NSUN6: variants seen among roughly 807,000 people sequenced by gnomAD.
NSUN6 encodes tRNA (cytosine(72)-C(5))-methyltransferase NSUN6.
Under a neutral mutation model 58.0 loss-of-function variants are expected in NSUN6, and 64 were observed. That is an observed-to-expected ratio of 1.10 (90% CI 0.90 to 1.36). The LOEUF (loss-of-function observed/expected upper bound fraction) is 1.36, where lower values mean the gene tolerates loss of function less well. Ranked by LOEUF, NSUN6 falls within the 40% of genes most tolerant of loss-of-function variation. NSUN6 has a pLI of 0.00. For synonymous variants in NSUN6, 231 were observed against 193.9 expected (o/e 1.19, Z -1.59); for missense variants, 701 against 550.1 (o/e 1.27, Z -2.74).
intron 6 of NSUN6, among the ~76,000 whole-genome samples, chr10:18,600,981 T>TACAC (rs2057814543): frequency 8.0e-6 from 1 of 125,506 alleles, no homozygotes; most frequent in Non-Finnish European, 1.7e-5. Context: ...TATATATGTA[T>TACAC]ATATATATAT....
At chr10:18,626,083 G>A (rs1358355627) in intron 3 of NSUN6, among the ~76,000 whole-genome samples, 1 of 152,034 alleles carries the variant, frequency 6.6e-6, no homozygotes, top group Non-Finnish European at 1.5e-5. Flanking sequence ...CAGGGGGTGC[G>A]GGAGATCTGC....
In NSUN6 at chr10:18,647,739, T is replaced by G. The variant is rs566091613; in HGVS notation, c.231+751A>C. On this transcript the variant is annotated intron_variant, in intron 2 of 10. Coordinates refer to ENST00000377304, the MANE Select transcript of NSUN6 (RefSeq NM_182543.5). ...CTCAACACCTTGTTTTTTTTTTTTT[T>G]TTTTTTTTTTTTTGAGACAGAGTCT... Among the ~76,000 whole-genome samples the G allele has an allele frequency of 6.2e-3, 891 of 142,704 alleles. 10 individuals carry two copies. The highest frequency in any genetic ancestry group is 0.022 in the African/African-American group (845 of 37,830). 93.6% of individuals were successfully genotyped at this position (142,704 alleles called of 152,430 possible).
chr10:18,568,621 T>A (rs1033340757), intron 8 of NSUN6, among the ~76,000 whole-genome samples: 1 of 150,990 alleles, frequency 6.6e-6, no homozygotes, highest in Non-Finnish European at 1.5e-5. Flanking sequence ...TTGCATTCCA[T>A]TCTCCATTCC....
At chr10:18,587,197 A>G (rs540734547) in intron 7 of NSUN6, among the ~76,000 whole-genome samples, 7 of 152,324 alleles carry the variant, frequency 4.6e-5, no homozygotes, top group African/African-American at 1.7e-4. Flanking sequence ...AAAATCACCA[A>G]TTTGATGTGC....
chr10:18,589,713 G>A (rs1490394317), intron 7 of NSUN6, among the ~76,000 whole-genome samples: 1 of 151,902 alleles, frequency 6.6e-6, no homozygotes, highest in Non-Finnish European at 1.5e-5. Context: ...AATGCTGAGG[G>A]ATTTTGTCAC....
chr10:18,588,874 G>A (rs777990574), intron 7 of NSUN6, among the ~76,000 whole-genome samples: 5 of 152,054 alleles, frequency 3.3e-5, no homozygotes, highest in African/African-American at 4.8e-5. Flanking sequence ...CTAAATAATC[G>A]CAACTCCTCT....
At chr10:18,654,044 T>C (rs1040790580), upstream of NSUN6, among the ~76,000 whole-genome samples, 14 of 152,108 alleles carry the variant, frequency 9.2e-5, no homozygotes, top group African/African-American at 2.9e-4. Context: ...CAGGAAAAAA[T>C]GTCTAGAAAG....
At chr10:18,599,352 A>G (rs1590014211) in intron 6 of NSUN6, among the ~76,000 whole-genome samples, 1 of 152,322 alleles carries the variant, frequency 6.6e-6, no homozygotes, top group South Asian at 2.1e-4. Context: ...TTGGCCTCCC[A>G]AAGTGCTGGG....
chr10:18,562,902 G>T (rs546992169), intron 8 of NSUN6, among the ~76,000 whole-genome samples: 2 of 143,442 alleles, frequency 1.4e-5, no homozygotes, highest in Admixed American at 1.4e-4. Context: ...GGAATGGAAT[G>T]GAAGGAAGAA....
At chr10:18,634,058 T>C (rs1388456861) in intron 3 of NSUN6, among the ~76,000 whole-genome samples, 1 of 152,230 alleles carries the variant, frequency 6.6e-6, no homozygotes, top group African/African-American at 2.4e-5. Context: ...AATGAGGATG[T>C]AACTGTTTCC....
intron 10 of NSUN6, among the ~76,000 whole-genome samples, chr10:18,546,457 T>C (rs1358953588): frequency 6.6e-6 from 1 of 152,218 alleles, no homozygotes; most frequent in Admixed American, 6.5e-5. Context: ...TACCACATTT[T>C]AGCTGTGTGA....
At chr10:18,553,124 C>CTCCAT (rs1348495983) in intron 8 of NSUN6, among the ~76,000 whole-genome samples, 2 of 151,482 alleles carry the variant, frequency 1.3e-5, no homozygotes, top group Non-Finnish European at 3.0e-5. Flanking sequence ...CCGTTCGATT[C>CTCCAT]TCCATTCCAT....
At chr10:18,651,948 T>C (rs2059717916), upstream of NSUN6, 5 of 985,436 alleles carry the variant, frequency 5.1e-6, no homozygotes, top group South Asian at 4.7e-5. Context: ...CCAGATGTCC[T>C]CCAGTTAGAG....
intron 4 of NSUN6, among the ~76,000 whole-genome samples, chr10:18,615,541 A>T (rs1445675324): frequency 6.6e-6 from 1 of 152,194 alleles, no homozygotes; most frequent in African/African-American, 2.4e-5. Flanking sequence ...GGAAAAAACC[A>T]TTCTTAGCTT....
chr10:18,603,322 TG>T (rs2057919871), intron 6 of NSUN6, among the ~76,000 whole-genome samples: 1 of 152,094 alleles, frequency 6.6e-6, no homozygotes, highest in South Asian at 2.1e-4. Context: ...CTCCACAAAA[TG>T]TAATGAGTGC....
chr10:18,642,387 A>G, intron 3 of NSUN6, 89 bp downstream of exon 3: 2 of 686,862 alleles, frequency 2.9e-6, no homozygotes, highest in Non-Finnish European at 5.2e-6. Context: ...CAATGGAGAA[A>G]CTTAGTATTA....
At chr10:18,579,689 A>T (rs563915081) in intron 8 of NSUN6, among the ~76,000 whole-genome samples, 1 of 152,158 alleles carries the variant, frequency 6.6e-6, no homozygotes, top group Non-Finnish European at 1.5e-5. Context: ...ATCAATCAAT[A>T]TGTGTAAAAT....
intron 3 of NSUN6, among the ~76,000 whole-genome samples, chr10:18,626,864 AT>A (rs1440277595): frequency 7.9e-5 from 12 of 152,248 alleles, no homozygotes; most frequent in African/African-American, 2.9e-4. Context: ...GTTGAATTAC[AT>A]ATTCAATTGT....
intron 5 of NSUN6, among the ~76,000 whole-genome samples, chr10:18,611,540 TA>T (rs1701506995): frequency 2.0e-5 from 3 of 152,144 alleles, no homozygotes; most frequent in Non-Finnish European, 2.9e-5. Flanking sequence ...TTTATTTATT[TA>T]TTTTCAGACA....
Sources: gnomAD v4.1 joint callset for allele counts (sites outside exome capture counted in the v4.1 genomes callset) on GRCh38, gnomAD v4.1.1 for gene constraint, MANE v1.5 for transcripts, NCBI Gene and HGNC (gene_info 2026-07-23, HGNC 2026-07-21) for gene names.